The following ZNF846 variants were observed in gnomAD, a reference collection of about 807,000 sequenced individuals.
ZNF846 encodes the protein zinc finger protein 420 pseudogene.
ZNF846 carries 15 observed loss-of-function variants against 16.0 expected under a neutral mutation model. The ratio of observed to expected loss-of-function variants is 0.94; its 90% confidence interval spans 0.63 to 1.45. The LOEUF (loss-of-function observed/expected upper bound fraction) is 1.45. Ranked by LOEUF, ZNF846 falls within the 40% of genes most tolerant of loss-of-function variation. The pLI, the probability that ZNF846 is intolerant of heterozygous loss-of-function variation, is 0.00. For missense variants in ZNF846, 714 were observed against 622.3 expected, an observed-to-expected ratio of 1.15 and a Z score of -1.57; for synonymous variants, 229 against 212.0, an observed-to-expected ratio of 1.08 and a Z score of -0.70.
chr19:9,763,573 G>T, intron 2 of ZNF846, 165 bp from the exon 3 acceptor site: 1 of 493,514 alleles, frequency 2.0e-6, no homozygotes, highest in Non-Finnish European at 3.5e-6. Context: ...CCAATCCCAT[G>T]GACTTATCAG....
chr19:9,762,155 T>A, exon 4 of ZNF846: 1 of 1,614,030 alleles, frequency 6.2e-7, no homozygotes, highest in Non-Finnish European at 8.5e-7. Flanking sequence ...TACGTTTGAA[T>A]AATTCAGACC....
intron 2 of ZNF846, among the ~76,000 whole-genome samples, chr19:9,763,762 C>T (rs1216583818): frequency 6.6e-6 from 1 of 150,498 alleles, no homozygotes; most frequent in East Asian, 1.9e-4. Flanking sequence ...TTAGACATCT[C>T]CATCCCTTTC....
At position 9,762,388 on chromosome 19, in the gene ZNF846, A is replaced by G. The variant is rs559379912; in HGVS notation, c.143-220T>C. On this transcript the variant is annotated intron_variant, in intron 3 of 5. Coordinates refer to ENST00000397902, the Ensembl canonical transcript of ZNF846. ...TATAATGGCTCATGCCTCATACCTC[A>G]GCACTTTGGGAAGCCAAGGCAGGGA... 1.5e-5 allele frequency: 6 copies of G among 413,418 alleles called. No homozygotes were observed. The East Asian group carries it at 2.9e-4, about 20-fold the overall frequency. 25.6% of individuals were successfully genotyped at this position (413,418 alleles called of 1,614,324 possible).
intron 4 of ZNF846, 140 bp downstream of exon 4, chr19:9,761,942 C>T (rs1350798954): frequency 3.2e-6 from 2 of 626,434 alleles, no homozygotes; most frequent in Admixed American, 2.7e-5. Flanking sequence ...TTGAAAGTAT[C>T]TAAGGAAACC....
chr19:9,760,006 A>G (rs750007839), intron 4 of ZNF846, 64 bp from the exon 5 acceptor site: 433 of 1,312,986 alleles, frequency 3.3e-4, no homozygotes, highest in Non-Finnish European at 4.3e-4. Flanking sequence ...TTAAAAGCCT[A>G]TGGGGCTGGG....
At chr19:9,783,545 ATAT>A (rs1265682409) in intron 1 of ZNF846, among the ~76,000 whole-genome samples, 25 of 101,902 alleles carry the variant, frequency 2.5e-4, no homozygotes, top group African/African-American at 8.9e-4. Context: ...AAAAAAAAAA[ATAT>A]ATATATATAT....
At chr19:9,772,592 G>A (rs547358572), upstream of ZNF846, among the ~76,000 whole-genome samples, 39 of 142,412 alleles carry the variant, frequency 2.7e-4, no homozygotes, top group Admixed American at 3.4e-4. Flanking sequence ...GCAAGACTCC[G>A]TCTCAGAAAA....
chr19:9,756,640 A>C (rs1304702394), downstream of ZNF846: 3 of 151,516 alleles, frequency 2.0e-5, no homozygotes, highest in Admixed American at 2.0e-4. Flanking sequence ...CTATCTGCCC[A>C]CTGTGAGTTC....
intron 2 of ZNF846, among the ~76,000 whole-genome samples, chr19:9,764,429 ATACTGTACTTCTACATACAAATG>A (rs1463000408): frequency 2.0e-5 from 3 of 152,332 alleles, no homozygotes; most frequent in Admixed American, 6.5e-5. Context: ...TTGTCTCTGT[ATACTGTACTTCTACATACAAATG>A]TACTGTACTT....
chr19:9,768,608 G>T (rs1356539606), exon 1 of ZNF846: 2 of 152,202 alleles, frequency 1.3e-5, no homozygotes, highest in African/African-American at 4.8e-5. Flanking sequence ...GCAGAAGTCC[G>T]GAGCGTCACC....
intron 4 of ZNF846, among the ~76,000 whole-genome samples, chr19:9,761,863 G>A (rs2045236234): frequency 6.6e-6 from 1 of 152,108 alleles, no homozygotes; most frequent in Admixed American, 6.6e-5. Context: ...TTTCAAATAA[G>A]GCAGACAAAC....
At position 9,761,015 on chromosome 19, in the gene ZNF846, T is replaced by A. The variant is rs144097720; in HGVS notation, c.229+1067A>T. Among the ~76,000 whole-genome samples, 21 of 151,610 alleles carry A rather than the reference T, an allele frequency of 1.4e-4. 1 individual carries two copies. The highest frequency in any genetic ancestry group is 5.1e-4 in the African/African-American group (21 of 41,000). Reference sequence around the variant, plus strand: ...GAGTTTGAGACCAGCCTGGCCAACATGGTGAAACTCCATCTCTATCAAAAA... The same window carrying A: ...GAGTTTGAGACCAGCCTGGCCAACAAGGTGAAACTCCATCTCTATCAAAAA... On this transcript the variant is annotated intron_variant, in intron 4 of 5. Transcript: ENST00000397902.
At chr19:9,768,908 A>G (rs2336090), upstream of ZNF846, among the ~76,000 whole-genome samples, 22,395 of 152,022 alleles carry the variant, frequency 0.15, 2,829 homozygotes, top group African/African-American at 0.34. Context: ...CAGGTGGACC[A>G]GGATCCAGAT....
intron 1 of ZNF846, among the ~76,000 whole-genome samples, chr19:9,765,634 C>A (rs890412854): frequency 6.6e-6 from 1 of 152,170 alleles, no homozygotes; most frequent in Non-Finnish European, 1.5e-5. Flanking sequence ...GATTGCACCA[C>A]TGCACTCCAG....
chr19:9,770,483 T>C (rs1016391279), upstream of ZNF846, among the ~76,000 whole-genome samples: 13 of 150,936 alleles, frequency 8.6e-5, no homozygotes, highest in Admixed American at 2.0e-4. Context: ...GTTTTCTCTT[T>C]TTTTTTTTTT....
intron 1 of ZNF846, among the ~76,000 whole-genome samples, chr19:9,776,544 T>C (rs916254234): frequency 4.6e-5 from 7 of 152,208 alleles, no homozygotes; most frequent in East Asian, 3.9e-4. Flanking sequence ...TTACCTATCA[T>C]TGGAGATGAC....
intron 1 of ZNF846, among the ~76,000 whole-genome samples, chr19:9,765,701 G>A (rs963208690): frequency 3.3e-5 from 5 of 151,966 alleles, no homozygotes; most frequent in Non-Finnish European, 7.4e-5. Flanking sequence ...AACAAATAAA[G>A]CATTTCCATA....
intron 1 of ZNF846, among the ~76,000 whole-genome samples, chr19:9,779,875 CACG>C (rs2045483464): frequency 6.7e-6 from 1 of 149,826 alleles, no homozygotes; most frequent in Non-Finnish European, 1.5e-5. Context: ...GCCCGGCCAT[CACG>C]ACTTTTTTTT....
chr19:9,761,939 T>C (rs1247144387), intron 4 of ZNF846, 143 bp downstream of exon 4: 1 of 614,026 alleles, frequency 1.6e-6, no homozygotes, highest in Non-Finnish European at 2.9e-6. Flanking sequence ...GAGTTGAAAG[T>C]ATCTAAGGAA....
Sources: gnomAD v4.1 joint callset for allele counts (sites outside exome capture counted in the v4.1 genomes callset) on GRCh38, gnomAD v4.1.1 for gene constraint, MANE v1.5 for transcripts, NCBI Gene and HGNC (gene_info 2026-07-23, HGNC 2026-07-21) for gene names.